ULK2: variants seen among roughly 807,000 people sequenced by gnomAD.
ULK2 encodes the protein unc-51 like autophagy activating kinase 2.
Under a neutral mutation model 127.5 loss-of-function variants are expected in ULK2, and 76 were observed. The ratio of observed to expected loss-of-function variants is 0.60; its 90% CI spans 0.50 to 0.72. ULK2 has a LOEUF of 0.72. Among genes scored for constraint, ULK2 ranks in the 30% least tolerant of loss-of-function variants. The pLI is 0.00. For missense variants in ULK2, 1,144 were observed against 1,295.9 expected, an observed-to-expected ratio of 0.88 and a Z score of 1.80; for synonymous variants, 452 against 461.9, an observed-to-expected ratio of 0.98 and a Z score of 0.28.
At chr17:19,838,988 G>T (rs1413073958) in intron 9 of ULK2, among the ~76,000 whole-genome samples, 2 of 151,088 alleles carry the variant, frequency 1.3e-5, no homozygotes, top group African/African-American at 4.9e-5. Context: ...CCGAGATCAT[G>T]CCACTGCACT....
chr17:19,860,309 T>C (rs2042214876), intron 3 of ULK2, among the ~76,000 whole-genome samples: 1 of 152,162 alleles, frequency 6.6e-6, no homozygotes, highest in Non-Finnish European at 1.5e-5. Context: ...AGCTGATTTT[T>C]ACAATAGCAA....
chr17:19,810,229 C>CAAAAAAAA (rs199922634), intron 14 of ULK2, 149 bp downstream of exon 14: 1 of 328,754 alleles, frequency 3.0e-6, no homozygotes, highest in Non-Finnish European at 5.2e-6. Context: ...GACTCCATCT[C>CAAAAAAAA]AAAAAAAAAA....
chr17:19,839,230 C>G (rs2152396372), intron 9 of ULK2, among the ~76,000 whole-genome samples: 1 of 152,236 alleles, frequency 6.6e-6, no homozygotes, highest in African/African-American at 2.4e-5. Context: ...AAAGTAGCCA[C>G]CTCCATTTCT....
At chr17:19,841,816 C>T (rs543512795) in intron 8 of ULK2, among the ~76,000 whole-genome samples, 1 of 152,224 alleles carries the variant, frequency 6.6e-6, no homozygotes, top group Admixed American at 6.6e-5. Flanking sequence ...CTCATAAAAC[C>T]TATGACATTG....
intron 3 of ULK2, among the ~76,000 whole-genome samples, chr17:19,851,498 G>C (rs1383991006): frequency 6.6e-6 from 1 of 151,540 alleles, no homozygotes; most frequent in African/African-American, 2.4e-5. Context: ...AAATTAGCCG[G>C]GCGTGGTGGT....
chr17:19,861,502 G>A lies in ULK2; in HGVS notation c.225+3301C>T, dbSNP rs1480495939. Among the ~76,000 whole-genome samples the A allele has an allele frequency of 4.6e-5, 7 of 151,836 alleles. No homozygotes were observed. The East Asian group carries it at 5.8e-4, about 13-fold the overall frequency. On this transcript the variant is annotated intron_variant, in intron 3 of 26. Coordinates refer to ENST00000395544, the MANE Select transcript of ULK2 (RefSeq NM_014683.4). ...GAAGCTTGCAGTGAGCCAAGATCGC[G>A]CCACTGCGCTCCAGCCTGGCCAACA...
intron 12 of ULK2, among the ~76,000 whole-genome samples, chr17:19,823,734 C>G (rs1490030638): frequency 6.6e-6 from 1 of 152,182 alleles, no homozygotes; most frequent in African/African-American, 2.4e-5. Context: ...AGTGGGCAAG[C>G]AGCAGGGCTA....
At chr17:19,803,548 G>T (rs2087446209) in intron 15 of ULK2, among the ~76,000 whole-genome samples, 1 of 152,154 alleles carries the variant, frequency 6.6e-6, no homozygotes, top group Admixed American at 6.5e-5. Flanking sequence ...ACCCTCTGAA[G>T]GGATCCACAG....
chr17:19,797,086 G>C (rs1175453210), intron 18 of ULK2, among the ~76,000 whole-genome samples: 1 of 152,122 alleles, frequency 6.6e-6, no homozygotes, highest in Non-Finnish European at 1.5e-5. Context: ...TTGAGGCCAG[G>C]AGTTAAAGAC....
chr17:19,836,153 G>C (rs1334639268), intron 10 of ULK2, among the ~76,000 whole-genome samples: 2 of 151,482 alleles, frequency 1.3e-5, no homozygotes, highest in Non-Finnish European at 2.9e-5. Flanking sequence ...GCTCACGCTT[G>C]TAATCCCACC....
intron 10 of ULK2, among the ~76,000 whole-genome samples, chr17:19,836,452 G>A (rs2041600371): frequency 6.6e-6 from 1 of 151,474 alleles, no homozygotes; most frequent in African/African-American, 2.4e-5. Flanking sequence ...CATGGTGATG[G>A]GCACTTGTAA....
At chr17:19,855,482 C>A (rs1377261692) in intron 3 of ULK2, among the ~76,000 whole-genome samples, 1 of 150,936 alleles carries the variant, frequency 6.6e-6, no homozygotes, top group Non-Finnish European at 1.5e-5. Context: ...TGCCTGTAAT[C>A]CCAGCTACTG....
chr17:19,856,867 C>T (rs773584907), intron 3 of ULK2, among the ~76,000 whole-genome samples: 1 of 147,752 alleles, frequency 6.8e-6, no homozygotes, highest in East Asian at 2.0e-4. Context: ...GTCCCAGCTA[C>T]TCGGGAGGCT....
At chr17:19,789,910 CA>C (rs34932017) in intron 20 of ULK2, among the ~76,000 whole-genome samples, 5,896 of 57,616 alleles carry the variant, frequency 0.1, 310 homozygotes, top group African/African-American at 0.23. Flanking sequence ...AAAAAGCTGC[CA>C]AAAAAAAAAA....
At chr17:19,861,378 CTA>C (rs903606309) in intron 3 of ULK2, among the ~76,000 whole-genome samples, 3 of 152,076 alleles carry the variant, frequency 2.0e-5, no homozygotes, top group African/African-American at 7.2e-5. Context: ...AACCCCGTCT[CTA>C]TTAAAAATAC....
intron 8 of ULK2, among the ~76,000 whole-genome samples, 195 bp downstream of exon 8, chr17:19,842,926 A>G (rs1311254760): frequency 6.6e-6 from 1 of 152,194 alleles, no homozygotes; most frequent in East Asian, 1.9e-4. Context: ...CCAACTACAA[A>G]GGGCAGGCAG....
chr17:19,820,757 T>C (rs1356146457), intron 12 of ULK2, among the ~76,000 whole-genome samples: 2 of 152,214 alleles, frequency 1.3e-5, no homozygotes, highest in Non-Finnish European at 2.9e-5. Flanking sequence ...TCTTGCAATC[T>C]TTCTTCAAAA....
intron 20 of ULK2, among the ~76,000 whole-genome samples, chr17:19,788,442 A>G (rs1485978659): frequency 6.6e-6 from 1 of 151,790 alleles, no homozygotes; most frequent in Non-Finnish European, 1.5e-5. Flanking sequence ...GTTCCTGTTG[A>G]CATTTCTAAA....
Position 19,776,178 on chromosome 17 carries a change from C to A in ULK2, c.*171G>T, listed in dbSNP as rs1025218360. On this transcript the variant is annotated 3_prime_UTR_variant, in exon 27 of 27. Coordinates refer to ENST00000395544, the MANE Select transcript of ULK2 (RefSeq NM_014683.4). ...TTTCTCCAATAAGGCAGATTTCCTA[C>A]AAATATGTAGTTTTTGGATTGTTTT... 23 of 564,826 alleles carry A rather than the reference C, an allele frequency of 4.1e-5. No homozygotes were observed. In the Admixed American group the frequency reaches 7.6e-4, roughly 19 times the overall value. 35.0% of individuals were successfully genotyped at this position (564,826 alleles called of 1,614,324 possible). A position where few individuals can be genotyped will look rare whatever the true frequency, so the allele number is the denominator to read the frequency against.
Sources: allele counts gnomAD v4.1 joint callset (sites outside exome capture counted in the v4.1 genomes callset), GRCh38; gene constraint gnomAD v4.1.1; transcripts MANE v1.5; gene names NCBI Gene and HGNC (gene_info 2026-07-23, HGNC 2026-07-21).